TMEM178B: variants seen among roughly 807,000 people sequenced by gnomAD.
TMEM178B encodes transmembrane protein 178B.
In TMEM178B, 5 loss-of-function variants were observed where a neutral mutation model predicts 31.0. That is an observed-to-expected ratio of 0.16 (90% CI 0.08 to 0.34). The LOEUF (loss-of-function observed/expected upper bound fraction) is 0.34. TMEM178B is among the 10% of genes least tolerant of loss of function. The probability of loss-of-function intolerance (pLI) is 1.00; values close to 1 mark genes in which losing one functional copy is unlikely to be tolerated. For missense variants in TMEM178B, 275 were observed against 400.3 expected, an observed-to-expected ratio of 0.69 and a Z score of 2.67; for synonymous variants, 164 against 164.0, an observed-to-expected ratio of 1.00 and a Z score of 0.00.
chr7:141,309,328 A>G (rs1437829476), intron 2 of TMEM178B, among the ~76,000 whole-genome samples: 1 of 152,214 alleles, frequency 6.6e-6, no homozygotes, highest in Non-Finnish European at 1.5e-5. Context: ...TTTAAATAGC[A>G]TGTGAATTTT....
chr7:141,151,630 T>C (rs1008963610), intron 1 of TMEM178B, among the ~76,000 whole-genome samples: 1 of 152,114 alleles, frequency 6.6e-6, no homozygotes, highest in African/African-American at 2.4e-5. Context: ...TGTGGAGATA[T>C]AGTTCTCTCT....
intron 2 of TMEM178B, among the ~76,000 whole-genome samples, chr7:141,412,609 C>T (rs1224293606): frequency 2.0e-5 from 3 of 152,156 alleles, no homozygotes; most frequent in Admixed American, 1.3e-4. Context: ...TGATCTGAAC[C>T]ATTTGCTAGA....
chr7:141,194,595 C>T (rs938468576), intron 1 of TMEM178B, among the ~76,000 whole-genome samples: 1 of 152,150 alleles, frequency 6.6e-6, no homozygotes, highest in Admixed American at 6.5e-5. Context: ...CTTTCCTGGG[C>T]TGGTGTTTAG....
chr7:141,083,312 C>T (rs1794717775), intron 1 of TMEM178B, among the ~76,000 whole-genome samples: 1 of 152,164 alleles, frequency 6.6e-6, no homozygotes, highest in African/African-American at 2.4e-5. Flanking sequence ...CTTATTTTCT[C>T]ATATGTAAAA....
chr7:141,311,935 G>T (rs1400479793), intron 2 of TMEM178B, among the ~76,000 whole-genome samples: 1 of 152,184 alleles, frequency 6.6e-6, no homozygotes, highest in Non-Finnish European at 1.5e-5. Flanking sequence ...AGAGTCAAGG[G>T]ATGCATCCCC....
the TMEM178B span, among the ~76,000 whole-genome samples, chr7:141,488,663 C>T: frequency 6.6e-6 from 1 of 152,166 alleles, no homozygotes; most frequent in South Asian, 2.1e-4. Flanking sequence ...TGGTCTTGAT[C>T]TCTTGAGCTC....
At chr7:141,189,360 A>T (rs1431156620) in intron 1 of TMEM178B, among the ~76,000 whole-genome samples, 1 of 152,244 alleles carries the variant, frequency 6.6e-6, no homozygotes, top group Non-Finnish European at 1.5e-5. Context: ...TCAGGAATGA[A>T]TAGCTGAGCC....
intron 2 of TMEM178B, among the ~76,000 whole-genome samples, chr7:141,310,598 C>T (rs545987422): frequency 6.6e-6 from 1 of 152,122 alleles, no homozygotes; most frequent in Non-Finnish European, 1.5e-5. Flanking sequence ...TTCAACAGGC[C>T]CTGGTGTGTG....
chr7:141,122,769 T>C (rs1004190986), intron 1 of TMEM178B, among the ~76,000 whole-genome samples: 2 of 152,262 alleles, frequency 1.3e-5, no homozygotes, highest in Admixed American at 1.3e-4. Flanking sequence ...TTCTTCTTTC[T>C]TTCCCACTTT....
At chr7:141,443,194 C>T (rs1043937084) in intron 3 of TMEM178B, among the ~76,000 whole-genome samples, 1 of 152,156 alleles carries the variant, frequency 6.6e-6, no homozygotes, top group Non-Finnish European at 1.5e-5. Context: ...CCATAGTATC[C>T]TCTGCCACTG....
chr7:141,281,846 A>C (rs966054157), intron 2 of TMEM178B, among the ~76,000 whole-genome samples: 1 of 152,196 alleles, frequency 6.6e-6, no homozygotes, highest in African/African-American at 2.4e-5. Flanking sequence ...GCCAAGTGGC[A>C]GGCAGGCCTG....
At chr7:141,307,270 T>G (rs1258225714) in intron 2 of TMEM178B, among the ~76,000 whole-genome samples, 1 of 152,228 alleles carries the variant, frequency 6.6e-6, no homozygotes, top group Non-Finnish European at 1.5e-5. Context: ...GCAATATTTT[T>G]GTTTTAAAAA....
intron 2 of TMEM178B, among the ~76,000 whole-genome samples, chr7:141,343,828 C>CGTGAGCCA (rs1447906224): frequency 3.3e-5 from 5 of 152,096 alleles, no homozygotes; most frequent in Non-Finnish European, 5.9e-5. Context: ...GGATTACAGG[C>CGTGAGCCA]GTGAGCCACC....
chr7:141,199,524 C>A (rs532077696), intron 1 of TMEM178B, among the ~76,000 whole-genome samples: 57 of 152,302 alleles, frequency 3.7e-4, no homozygotes, highest in African/African-American at 1.3e-3. Flanking sequence ...CTGCTTCTCT[C>A]TCTTTATTCC....
intron 1 of TMEM178B, among the ~76,000 whole-genome samples, chr7:141,161,005 G>A (rs978982320): frequency 6.6e-6 from 1 of 151,978 alleles, no homozygotes; most frequent in Non-Finnish European, 1.5e-5. Flanking sequence ...TTACAGGCAT[G>A]CACCACCATG....
intron 1 of TMEM178B, among the ~76,000 whole-genome samples, chr7:141,076,969 C>A (rs1794609745): frequency 6.6e-6 from 1 of 152,192 alleles, no homozygotes; most frequent in Non-Finnish European, 1.5e-5. Flanking sequence ...TCACTATCTT[C>A]ATTTTTAACC....
intron 3 of TMEM178B, among the ~76,000 whole-genome samples, chr7:141,440,350 A>G (rs1445445539): frequency 6.6e-6 from 1 of 152,148 alleles, no homozygotes; most frequent in African/African-American, 2.4e-5. Context: ...TTAAAAAAAT[A>G]CTGATGCTGG....
chr7:141,175,724 G>T (rs1433586608), intron 1 of TMEM178B, among the ~76,000 whole-genome samples: 2 of 151,970 alleles, frequency 1.3e-5, no homozygotes, highest in Non-Finnish European at 2.9e-5. Flanking sequence ...TTTTGTAGCA[G>T]TTGTGAATGG....
chr7:141,168,154 T>G (rs1467067202), intron 1 of TMEM178B, among the ~76,000 whole-genome samples: 1 of 152,236 alleles, frequency 6.6e-6, no homozygotes, highest in African/African-American at 2.4e-5. Context: ...TTGCTTGAGC[T>G]GGTGGAGATG....
Sources: gnomAD v4.1 joint callset for allele counts (sites outside exome capture counted in the v4.1 genomes callset) on GRCh38, gnomAD v4.1.1 for gene constraint, MANE v1.5 for transcripts, NCBI Gene and HGNC (gene_info 2026-07-23, HGNC 2026-07-21) for gene names.